The following CSMD1 variants were observed in gnomAD, a reference collection of about 807,000 sequenced individuals.
The protein encoded by CSMD1 is CUB and sushi domain-containing protein 1.
A neutral mutation model predicts 417.5 loss-of-function variants in CSMD1; 213 were observed. That is an observed-to-expected ratio of 0.51 (90% confidence interval 0.46 to 0.57). The LOEUF (loss-of-function observed/expected upper bound fraction) is 0.57. CSMD1 is among the 20% of genes least tolerant of loss of function. The pLI is 0.00. For missense variants in CSMD1, 6,923 were observed against 4,529.7 expected (o/e 1.53, Z -15.17); for synonymous variants, 2,862 against 1,736.8 (o/e 1.65, Z -16.11).
At chr8:4,035,909 G>C (rs572346662) in intron 3 of CSMD1, among the ~76,000 whole-genome samples, 2 of 152,156 alleles carry the variant, frequency 1.3e-5, no homozygotes, top group African/African-American at 2.4e-5. Context: ...CTCACACACA[G>C]ACTCACCCAG....
chr8:3,084,299 G>C (rs1729738054), intron 49 of CSMD1, among the ~76,000 whole-genome samples: 1 of 152,078 alleles, frequency 6.6e-6, no homozygotes, highest in Non-Finnish European at 1.5e-5. Flanking sequence ...TGAGGCAGGA[G>C]GATCACCTGA....
intron 17 of CSMD1, among the ~76,000 whole-genome samples, chr8:3,395,184 G>C (rs778669806): frequency 8.6e-5 from 13 of 152,006 alleles, no homozygotes; most frequent in Non-Finnish European, 1.6e-4. Context: ...CATACGTGTG[G>C]GTATATGTAA....
At chr8:3,679,702 A>G (rs1799554842) in intron 7 of CSMD1, among the ~76,000 whole-genome samples, 1 of 152,180 alleles carries the variant, frequency 6.6e-6, no homozygotes, top group Non-Finnish European at 1.5e-5. Context: ...ACATCTACCT[A>G]ACTCTCCACC....
chr8:4,640,164 A>G (rs1159411844), intron 1 of CSMD1, among the ~76,000 whole-genome samples: 1 of 152,248 alleles, frequency 6.6e-6, no homozygotes, highest in Non-Finnish European at 1.5e-5. Context: ...CATTCAGGGT[A>G]CTAATGAGTA....
At chr8:4,120,585 G>C (rs910293665) in intron 3 of CSMD1, among the ~76,000 whole-genome samples, 1 of 152,206 alleles carries the variant, frequency 6.6e-6, no homozygotes, top group African/African-American at 2.4e-5. Flanking sequence ...CAAATGGCCT[G>C]TGGCCTCACA....
chr8:4,418,436 C>G (rs1174699852), intron 3 of CSMD1, among the ~76,000 whole-genome samples: 1 of 152,196 alleles, frequency 6.6e-6, no homozygotes, highest in African/African-American at 2.4e-5. Context: ...ATAGTGATTT[C>G]TCAACAGCGA....
chr8:4,633,129 T>G (rs539082259), intron 2 of CSMD1, among the ~76,000 whole-genome samples: 1 of 152,302 alleles, frequency 6.6e-6, no homozygotes, highest in South Asian at 2.1e-4. Flanking sequence ...GATCGTGCAT[T>G]GGTCTATGTG....
At chr8:3,974,171 C>T (rs1011404478) in intron 5 of CSMD1, among the ~76,000 whole-genome samples, 2 of 152,108 alleles carry the variant, frequency 1.3e-5, no homozygotes, top group Non-Finnish European at 2.9e-5. Context: ...CACTCGCACA[C>T]ACCCCCACAG....
At chr8:4,808,411 A>G (rs1177135526) in intron 1 of CSMD1, among the ~76,000 whole-genome samples, 1 of 152,214 alleles carries the variant, frequency 6.6e-6, no homozygotes, top group Non-Finnish European at 1.5e-5. Flanking sequence ...ATTCAAAGGA[A>G]AAAGACGGAA....
chr8:4,084,885 TCA>T (rs1800338320), intron 3 of CSMD1, among the ~76,000 whole-genome samples: 1 of 152,066 alleles, frequency 6.6e-6, no homozygotes, highest in African/African-American at 2.4e-5. Flanking sequence ...ATACATACAT[TCA>T]GTTTAAAAAA....
intron 1 of CSMD1, among the ~76,000 whole-genome samples, chr8:4,771,225 G>A (rs1039313103): frequency 6.6e-6 from 1 of 152,144 alleles, no homozygotes; most frequent in East Asian, 1.9e-4. Flanking sequence ...TTTTCAAGAG[G>A]CAGAGCTGGA....
intron 3 of CSMD1, among the ~76,000 whole-genome samples, chr8:4,236,510 T>C (rs17069676): frequency 0.093 from 14,144 of 152,194 alleles, 1,002 homozygotes; most frequent in East Asian, 0.41. Flanking sequence ...TGAGATGATT[T>C]GCTCAAAAAA....
intron 4 of CSMD1, among the ~76,000 whole-genome samples, chr8:4,020,062 G>A (rs954624009): frequency 6.6e-6 from 1 of 152,118 alleles, no homozygotes; most frequent in African/African-American, 2.4e-5. Flanking sequence ...GAAGGGAGAG[G>A]AGATAGAGAC....
chr8:4,188,830 G>A (rs1008977118), intron 3 of CSMD1, among the ~76,000 whole-genome samples: 1 of 148,016 alleles, frequency 6.8e-6, no homozygotes, highest in East Asian at 2.1e-4. Flanking sequence ...AATTGGGAGG[G>A]ATATTAAAAA....
At chr8:4,501,692 A>T (rs1309589411) in intron 2 of CSMD1, among the ~76,000 whole-genome samples, 1 of 152,188 alleles carries the variant, frequency 6.6e-6, no homozygotes, top group Admixed American at 6.5e-5. Context: ...TGTCCAGTGG[A>T]TTCACACTAT....
chr8:3,067,352 C>T (rs1315644686), intron 49 of CSMD1, among the ~76,000 whole-genome samples: 2 of 152,130 alleles, frequency 1.3e-5, no homozygotes, highest in African/African-American at 4.8e-5. Context: ...CCCCGCACTC[C>T]AAGCATAGCC....
chr8:4,433,887 A>G (rs1798006235), intron 2 of CSMD1, among the ~76,000 whole-genome samples: 1 of 152,178 alleles, frequency 6.6e-6, no homozygotes, highest in South Asian at 2.1e-4. Context: ...CATTTCTTTG[A>G]CAATCCTACA....
intron 3 of CSMD1, among the ~76,000 whole-genome samples, chr8:4,245,918 T>C (rs1184725006): frequency 6.6e-6 from 1 of 152,214 alleles, no homozygotes; most frequent in African/African-American, 2.4e-5. Context: ...TAAGGCGTTT[T>C]CTCAACTCAT....
chr8:4,686,811 C>T (rs957135989), intron 1 of CSMD1, among the ~76,000 whole-genome samples: 1 of 152,142 alleles, frequency 6.6e-6, no homozygotes, highest in African/African-American at 2.4e-5. Context: ...AAGGTTAGAA[C>T]CATGAAAGCC....
Sources: gnomAD v4.1 joint callset for allele counts (sites outside exome capture counted in the v4.1 genomes callset) on GRCh38, gnomAD v4.1.1 for gene constraint, MANE v1.5 for transcripts, NCBI Gene and HGNC (gene_info 2026-07-23, HGNC 2026-07-21) for gene names.